The following SGPP2 variants were observed in gnomAD, a reference collection of about 807,000 sequenced individuals.
SGPP2 encodes sphingosine 1-phosphate phosphohydrolase 2.
SGPP2 carries 30 observed loss-of-function variants against 33.9 expected under a neutral mutation model. The observed-to-expected ratio is 0.89, with a 90% confidence interval of 0.66 to 1.20. The LOEUF (loss-of-function observed/expected upper bound fraction) is 1.20, where lower values mean the gene tolerates loss of function less well. SGPP2 is among the 50% of genes most tolerant of loss of function. The pLI is 0.00. For synonymous variants in SGPP2, 233 were observed against 225.0 expected (o/e 1.04, Z -0.32); for missense variants, 458 against 532.1 (o/e 0.86, Z 1.37).
chr2:222,460,272 T>A lies in SGPP2; in HGVS notation c.220-14296T>A, dbSNP rs1024234205. Among the ~76,000 whole-genome samples the A allele has an allele frequency of 3.9e-5, 6 of 152,166 alleles. No individual in the cohort carries two copies. The highest frequency in any genetic ancestry group is 1.4e-4 in the African/African-American group (6 of 41,428). On this transcript the variant is annotated intron_variant, in intron 1 of 4. Transcript: ENST00000321276. The surrounding 1 kb of genome is among the most constrained non-coding windows in gnomAD (Gnocchi z 4.3). Reference sequence around the variant, plus strand: ...GCCAAGGCCAAACACAGAAACCAATTTTTATTCATCTTCCAGGATGGCCCA... The same window carrying A: ...GCCAAGGCCAAACACAGAAACCAATATTTATTCATCTTCCAGGATGGCCCA...
chr2:222,475,970 T>C (rs563354329), intron 2 of SGPP2, among the ~76,000 whole-genome samples: 3 of 152,326 alleles, frequency 2.0e-5, no homozygotes, highest in African/African-American at 7.2e-5. Context: ...TGGAGGACTC[T>C]GCAGGTTGCT....
At chr2:222,502,973 C>A (rs774576312) in intron 2 of SGPP2, among the ~76,000 whole-genome samples, 3 of 152,194 alleles carry the variant, frequency 2.0e-5, no homozygotes, top group Non-Finnish European at 4.4e-5. Flanking sequence ...TATTCTAGGT[C>A]TTCGTTTTAG....
chr2:222,430,090 T>TAAA (rs5838949), intron 1 of SGPP2, among the ~76,000 whole-genome samples: 35 of 151,860 alleles, frequency 2.3e-4, no homozygotes, highest in African/African-American at 6.0e-4. Flanking sequence ...GTGCAAAAAA[T>TAAA]AAAAAAAATA....
chr2:222,424,877 G>T, intron 1 of SGPP2, 56 bp downstream of exon 1: 1 of 1,248,234 alleles, frequency 8.0e-7, no homozygotes, highest in Non-Finnish European at 1.0e-6. Flanking sequence ...CGGACGTGCG[G>T]GTCCCTGCGA....
chr2:222,433,874 G>A (rs1363207095), intron 1 of SGPP2, among the ~76,000 whole-genome samples: 1 of 152,196 alleles, frequency 6.6e-6, no homozygotes, highest in Non-Finnish European at 1.5e-5. Flanking sequence ...CAATTACTAT[G>A]TTTTAGGAAG....
chr2:222,442,990 C>G (rs573161186), intron 1 of SGPP2, among the ~76,000 whole-genome samples: 1 of 152,280 alleles, frequency 6.6e-6, no homozygotes, highest in East Asian at 1.9e-4. Flanking sequence ...TAAGGAATGC[C>G]TCCGAAGTAA....
intron 1 of SGPP2, among the ~76,000 whole-genome samples, chr2:222,432,756 T>C (rs972939847): frequency 7.2e-5 from 11 of 152,114 alleles, no homozygotes; most frequent in Non-Finnish European, 1.2e-4. Flanking sequence ...ATACGGTGGC[T>C]CACGCCTGTA....
chr2:222,452,453 T>C, intron 1 of SGPP2: 1 of 799,384 alleles, frequency 1.3e-6, no homozygotes, highest in Non-Finnish European at 2.2e-6. Context: ...AAATCCATGG[T>C]TTGTGGAGTA....
intron 4 of SGPP2, among the ~76,000 whole-genome samples, chr2:222,553,691 G>A (rs141211385): frequency 2.8e-4 from 42 of 152,338 alleles, no homozygotes; most frequent in African/African-American, 9.4e-4. Flanking sequence ...CCTTTTGGAC[G>A]TCCCTCTGCC....
At chr2:222,451,732 G>A (rs1697492188) in intron 1 of SGPP2, among the ~76,000 whole-genome samples, 1 of 152,212 alleles carries the variant, frequency 6.6e-6, no homozygotes, top group Non-Finnish European at 1.5e-5. Context: ...ATCAAAGGAA[G>A]GAAGAGAAGG....
intron 2 of SGPP2, among the ~76,000 whole-genome samples, chr2:222,516,089 G>A (rs552577010): frequency 1.3e-5 from 2 of 152,000 alleles, no homozygotes; most frequent in Non-Finnish European, 2.9e-5. Context: ...TTTTAACATA[G>A]GTACCTATCC....
intron 4 of SGPP2, among the ~76,000 whole-genome samples, chr2:222,531,487 CA>C (rs1349088059): frequency 6.6e-6 from 1 of 151,946 alleles, no homozygotes. Flanking sequence ...TCATAGAGAC[CA>C]AAATTAGAAT....
In SGPP2 at chr2:222,561,517, G is replaced by GATATATATATATCATTTTATAT. The variant is rs1689539402; in HGVS notation, c.*2635_*2656dup. ...GTGGGTGCTGGCCTCTCATATATAT[G>GATATATATATATCATTTTATAT]ATATATATATATCATTTTATATATA... On this transcript the variant is annotated 3_prime_UTR_variant, in exon 5 of 5. Coordinates refer to ENST00000321276, the MANE Select transcript of SGPP2 (RefSeq NM_152386.4). Among the ~76,000 whole-genome samples, 1 of 144,178 alleles carries GATATATATATATCATTTTATAT rather than the reference G, an allele frequency of 6.9e-6. No homozygotes were observed. The highest frequency in any genetic ancestry group is 1.5e-5 in the Non-Finnish European group (1 of 65,904). 94.6% of individuals were successfully genotyped at this position (144,178 alleles called of 152,430 possible). A position where few individuals can be genotyped will look rare whatever the true frequency, so the allele number is the denominator to read the frequency against.
intron 1 of SGPP2, among the ~76,000 whole-genome samples, chr2:222,462,842 A>T (rs1283728974): frequency 1.3e-5 from 2 of 152,100 alleles, no homozygotes; most frequent in Non-Finnish European, 1.5e-5. Context: ...TCAGAAAAAC[A>T]AACAAACAAA....
At chr2:222,479,197 G>A (rs907541743) in intron 2 of SGPP2, among the ~76,000 whole-genome samples, 4 of 152,246 alleles carry the variant, frequency 2.6e-5, no homozygotes, top group East Asian at 3.9e-4. Context: ...GGAAGCTGCC[G>A]TGGTTGTTTC....
intron 2 of SGPP2, among the ~76,000 whole-genome samples, chr2:222,493,982 T>C (rs148171871): frequency 9.7e-4 from 147 of 152,326 alleles, no homozygotes; most frequent in African/African-American, 3.4e-3. Context: ...TTTCCCTCTG[T>C]TTTAATCTTT....
At chr2:222,451,484 A>G (rs1232831627) in intron 1 of SGPP2, among the ~76,000 whole-genome samples, 1 of 152,134 alleles carries the variant, frequency 6.6e-6, no homozygotes, top group Non-Finnish European at 1.5e-5. Context: ...AGGCACCTAA[A>G]CCCTACACGC....
At chr2:222,448,424 C>A (rs1389649141) in intron 1 of SGPP2, among the ~76,000 whole-genome samples, 2 of 152,162 alleles carry the variant, frequency 1.3e-5, no homozygotes, top group Admixed American at 1.3e-4. Context: ...GCTCTGGAGT[C>A]CAACTGATTG....
chr2:222,509,411 A>G (rs953749324), intron 2 of SGPP2, among the ~76,000 whole-genome samples: 1 of 152,020 alleles, frequency 6.6e-6, no homozygotes, highest in Non-Finnish European at 1.5e-5. Flanking sequence ...ACTAATTTTG[A>G]TAAGAGCAAT....
Sources: allele counts gnomAD v4.1 joint callset (sites outside exome capture counted in the v4.1 genomes callset), GRCh38; gene constraint gnomAD v4.1.1; non-coding constraint Gnocchi (gnomAD v3.1); transcripts MANE v1.5; gene names NCBI Gene and HGNC (gene_info 2026-07-23, HGNC 2026-07-21).